The following C13orf42 variants were observed in gnomAD, a reference collection of about 807,000 sequenced individuals.
C13orf42 encodes the protein chromosome 13 open reading frame 42, also known as uncharacterized protein C13orf42.
intron 1 of C13orf42, among the ~76,000 whole-genome samples, chr13:51,149,207 G>C (rs1953760379): frequency 6.6e-6 from 1 of 151,334 alleles, no homozygotes. Flanking sequence ...AGATCAGCTA[G>C]CTAGAGAGAA....
chr13:51,136,948 C>T (rs1386399118), intron 1 of C13orf42, among the ~76,000 whole-genome samples: 3 of 152,194 alleles, frequency 2.0e-5, no homozygotes, highest in African/African-American at 7.2e-5. Context: ...CCTGCTTCTC[C>T]TTTGAGGGCT....
intron 1 of C13orf42, among the ~76,000 whole-genome samples, chr13:51,119,198 C>A (rs954911085): frequency 1.3e-5 from 2 of 151,992 alleles, no homozygotes; most frequent in African/African-American, 4.8e-5. Flanking sequence ...GTATGGCACG[C>A]CCTGTGGCTG....
At position 51,085,184 on chromosome 13, in the gene C13orf42, A is replaced by AATATATAT. The variant is rs57050801; in HGVS notation, c.803+127_803+134dup. The AATATATAT allele has an allele frequency of 3.7e-3, 733 of 195,796 alleles. 6 individuals are homozygous for AATATATAT. Among genetic ancestry groups the AATATATAT allele is most frequent in the African/African-American group, 0.017 (662 of 39,034 alleles). The allele number at this position is 195,796 out of a possible 1,614,324, so 12.1% of individuals were successfully genotyped here. ...GACCTCACCACCACCAGCAACAACAAATATATATATATATATATATATATA... is the reference window on the plus strand; with the variant it reads ...GACCTCACCACCACCAGCAACAACAAATATATATATATATATATATATATATATATATA... On this transcript the variant is annotated intron_variant, in intron 3 of 3. Transcript: ENST00000563710.
chr13:51,161,715 G>A (rs549958659), intron 1 of C13orf42: 5 of 220,854 alleles, frequency 2.3e-5, no homozygotes, highest in East Asian at 1.3e-4. Context: ...GGTAATGCAC[G>A]TTGCAGAATC....
chr13:51,090,727 A>T (rs1482401234), intron 1 of C13orf42, among the ~76,000 whole-genome samples: 6 of 152,146 alleles, frequency 3.9e-5, no homozygotes, highest in African/African-American at 1.4e-4. Flanking sequence ...GTTAATTGTT[A>T]AAGAGTTAGG....
At position 51,153,646 on chromosome 13, in the gene C13orf42, T is replaced by C. The variant is rs1373403531; in HGVS notation, n.136+18607A>G. On this transcript the variant is annotated intron_variant and non_coding_transcript_variant, in intron 1 of 4. Transcript: ENST00000433280. ...GTTTTTTTTCTTTTTTTTTTTTTTT[T>C]TTTTTTTTTTGGAGACAGGATCTCG... is the stretch of plus-strand genomic sequence containing the variant. Among the ~76,000 whole-genome samples, 12 of 138,858 alleles carry C rather than the reference T, an allele frequency of 8.6e-5. No homozygotes were observed. In the South Asian group the frequency reaches 2.7e-3, roughly 32 times the overall value. The allele number at this position is 138,858 out of a possible 152,430, so 91.1% of individuals were successfully genotyped here.
chr13:51,083,799 A>C lies in C13orf42; in HGVS notation c.*352T>G, dbSNP rs1378199533. ...GGTACTGAGCACATTGCTAGCAGCC[A>C]CCTGGACAGACACGTGGAGAATGAG... On this transcript the variant is annotated 3_prime_UTR_variant, in exon 4 of 4. Transcript: ENST00000563710. The C allele has an allele frequency of 5.6e-6, 1 of 177,546 alleles. No individual in the cohort carries two copies. The highest frequency in any genetic ancestry group is 2.4e-5 in the African/African-American group (1 of 42,546). 11.0% of individuals were successfully genotyped at this position (177,546 alleles called of 1,614,324 possible).
At chr13:51,165,799 T>C (rs192923597) in intron 1 of C13orf42, among the ~76,000 whole-genome samples, 24 of 152,336 alleles carry the variant, frequency 1.6e-4, no homozygotes, top group Non-Finnish European at 3.4e-4. Context: ...GAGATTCTGC[T>C]GATCTCTTCC....
intron 1 of C13orf42, among the ~76,000 whole-genome samples, chr13:51,151,550 T>C (rs947903739): frequency 2.0e-5 from 3 of 152,232 alleles, no homozygotes; most frequent in Admixed American, 2.0e-4. Flanking sequence ...GGTGATGATT[T>C]GTTCCAGCAG....
At chr13:51,114,898 A>G (rs913229195), upstream of C13orf42, among the ~76,000 whole-genome samples, 5 of 152,234 alleles carry the variant, frequency 3.3e-5, no homozygotes, top group Non-Finnish European at 7.3e-5. Context: ...TTGTCAAAAA[A>G]GGAGGGAGAT....
intron 1 of C13orf42, among the ~76,000 whole-genome samples, chr13:51,169,543 T>C (rs1403661221): frequency 6.6e-6 from 1 of 152,212 alleles, no homozygotes; most frequent in Admixed American, 6.5e-5. Flanking sequence ...TCAGAGGTCT[T>C]TGCAGCAGCC....
intron 1 of C13orf42, among the ~76,000 whole-genome samples, chr13:51,104,593 G>T (rs184260123): frequency 1.3e-5 from 2 of 152,262 alleles, no homozygotes; most frequent in East Asian, 3.9e-4. Context: ...AGTGCTGTGT[G>T]AAAATGGTAA....
rs547215617 is a variant in C13orf42 at position 51,098,773 on chromosome 13, C to T, written c.415-10698G>A. Among the ~76,000 whole-genome samples the T allele has an allele frequency of 1.2e-4, 18 of 152,004 alleles. No homozygotes were observed. In the East Asian group the frequency reaches 3.5e-3, roughly 29 times the overall value. Reference sequence around the variant, plus strand: ...TGACACTGAGAGTTGCTGCCTCAAGCTATGGGCTGCATTAGGGCAAATATA... The same window carrying T: ...TGACACTGAGAGTTGCTGCCTCAAGTTATGGGCTGCATTAGGGCAAATATA... On this transcript the variant is annotated intron_variant, in intron 1 of 3. Transcript: ENST00000563710.
chr13:51,105,873 G>A lies in C13orf42; in HGVS notation c.414+4923C>T, dbSNP rs190564616. Among the ~76,000 whole-genome samples, 1,335 of 152,278 alleles carry A rather than the reference G, an allele frequency of 8.8e-3. 8 individuals are homozygous for A. The highest frequency in any genetic ancestry group is 0.014 in the Non-Finnish European group (961 of 68,014). ...ACAGTATGAGTTTCGACATGATACA[G>A]AAGCTAATTCAGCTACACAGAAGCT... On this transcript the variant is annotated intron_variant, in intron 1 of 3. Coordinates refer to ENST00000563710, the MANE Select transcript of C13orf42 (RefSeq NM_001351589.3).
At chr13:51,139,865 G>T (rs565580587) in intron 1 of C13orf42, among the ~76,000 whole-genome samples, 4 of 152,196 alleles carry the variant, frequency 2.6e-5, no homozygotes, top group African/African-American at 9.7e-5. Context: ...TAGCCATTTT[G>T]TTATTCCTTT....
intron 1 of C13orf42, among the ~76,000 whole-genome samples, chr13:51,130,782 C>T (rs1415441216): frequency 1.3e-5 from 2 of 151,454 alleles, no homozygotes; most frequent in East Asian, 3.9e-4. Context: ...AACATTGTAA[C>T]ATATAGTTAA....
chr13:51,106,507 A>G (rs190339766), intron 1 of C13orf42, among the ~76,000 whole-genome samples: 65 of 152,338 alleles, frequency 4.3e-4, no homozygotes, highest in Non-Finnish European at 6.9e-4. Flanking sequence ...ATTGGGATCA[A>G]ATCCTGGCTT....
chr13:51,137,469 T>C (rs1953665915), intron 1 of C13orf42, among the ~76,000 whole-genome samples: 1 of 152,110 alleles, frequency 6.6e-6, no homozygotes, highest in Admixed American at 6.6e-5. Context: ...TGTCCCTCCC[T>C]GAAGGGGCTG....
chr13:51,130,776 T>C (rs569958821), intron 1 of C13orf42, among the ~76,000 whole-genome samples: 44 of 152,130 alleles, frequency 2.9e-4, no homozygotes, highest in African/African-American at 1.0e-3. Context: ...AGAGTTAACA[T>C]TGTAACATAT....
Sources: gnomAD v4.1 joint callset for allele counts (sites outside exome capture counted in the v4.1 genomes callset) on GRCh38, gnomAD v4.1.1 for gene constraint, MANE v1.5 for transcripts, NCBI Gene and HGNC (gene_info 2026-07-23, HGNC 2026-07-21) for gene names.